MGST1: variants seen among roughly 807,000 people sequenced by gnomAD.
MGST1 encodes the protein glutathione S-transferase 12.
A neutral mutation model predicts 8.9 loss-of-function variants in MGST1; 5 were observed. The ratio of observed to expected loss-of-function variants is 0.56; its 90% CI spans 0.29 to 1.19. The LOEUF (loss-of-function observed/expected upper bound fraction) is 1.19. Among genes scored for constraint, MGST1 ranks in the 50% most tolerant of loss-of-function variants. MGST1 has a pLI of 0.08. For missense variants in MGST1, 182 were observed against 187.4 expected (o/e 0.97, Z 0.17); for synonymous variants, 54 against 67.8 (o/e 0.80, Z 1.00).
At chr12:16,499,911 T>A (rs1941494664) in intron 4 of MGST1, among the ~76,000 whole-genome samples, 1 of 152,126 alleles carries the variant, frequency 6.6e-6, no homozygotes. Context: ...TGCATGTTTT[T>A]AAAACAAATC....
chr12:16,512,854 C>T (rs1941585690), intron 4 of MGST1, among the ~76,000 whole-genome samples: 1 of 152,138 alleles, frequency 6.6e-6, no homozygotes, highest in African/African-American at 2.4e-5. Flanking sequence ...AGTAGAAATT[C>T]ATCTGAGTTA....
At chr12:16,583,569 G>A (rs1268523164) in intron 4 of MGST1, among the ~76,000 whole-genome samples, 1 of 152,124 alleles carries the variant, frequency 6.6e-6, no homozygotes, top group Non-Finnish European at 1.5e-5. Context: ...TCCCATAGAT[G>A]GGATAAAAGA....
chr12:16,383,367 G>C (rs1940474621), exon 1 of MGST1: 1 of 152,182 alleles, frequency 6.6e-6, no homozygotes, highest in African/African-American at 2.4e-5. Flanking sequence ...TTGTTTTTCT[G>C]AGTTGTTTTC....
chr12:16,455,209 A>G (rs755130612), intron 4 of MGST1, among the ~76,000 whole-genome samples: 1 of 151,938 alleles, frequency 6.6e-6, no homozygotes, highest in Non-Finnish European at 1.5e-5. Context: ...AATAGCCAAC[A>G]TTAATTGAGC....
intron 1 of MGST1, among the ~76,000 whole-genome samples, chr12:16,434,690 A>G (rs1940968684): frequency 6.6e-6 from 1 of 151,470 alleles, no homozygotes; most frequent in African/African-American, 2.4e-5. Context: ...ATTTTTCAGC[A>G]GGGAGAAGTG....
intron 1 of MGST1, among the ~76,000 whole-genome samples, chr12:16,406,591 G>A (rs1940699443): frequency 6.6e-6 from 1 of 152,150 alleles, no homozygotes; most frequent in Non-Finnish European, 1.5e-5. Context: ...AACCAAAAAA[G>A]AGCATGAATT....
At chr12:16,406,151 A>G (rs529008790) in intron 1 of MGST1, among the ~76,000 whole-genome samples, 8 of 152,314 alleles carry the variant, frequency 5.3e-5, no homozygotes, top group African/African-American at 7.2e-5. Flanking sequence ...ACGTAATTCT[A>G]TATCTAGAAA....
chr12:16,350,530 A>G (rs1939412834), intron 1 of MGST1, among the ~76,000 whole-genome samples: 1 of 152,174 alleles, frequency 6.6e-6, no homozygotes, highest in South Asian at 2.1e-4. Flanking sequence ...CTCCCTCCTG[A>G]CAACCTTTCC....
At chr12:16,348,801 T>TAAAAA (rs61688908) in intron 1 of MGST1, 2 of 139,290 alleles carry the variant, frequency 1.4e-5, no homozygotes, top group Non-Finnish European at 1.5e-5. Flanking sequence ...CTTTGGTAAT[T>TAAAAA]AAAAAAAAAA....
rs1053593205 is a variant in MGST1 at position 16,560,842 on chromosome 12, T to TTAGAG, written n.483-28683_483-28679dup. The TTAGAG allele has an allele frequency of 1.0e-4, 39 of 387,550 alleles. No individual in the cohort carries two copies. Among genetic ancestry groups the TTAGAG allele is most frequent in the African/African-American group, 7.3e-4 (35 of 47,692 alleles). The allele number at this position is 387,550 out of a possible 1,614,324, so 24.0% of individuals were successfully genotyped here. ...TGAATTCATAGCAAAAATCTCTGGG[T>TTAGAG]TAGAGTATATAGAAAATATAAAAGC... On this transcript the variant is annotated intron_variant and non_coding_transcript_variant, in intron 4 of 4. Coordinates refer to the MGST1 transcript ENST00000538857. The surrounding 1 kb of genome is among the most constrained non-coding windows in gnomAD (Gnocchi z 5.0).
At chr12:16,539,708 G>C (rs1941781619) in intron 4 of MGST1, among the ~76,000 whole-genome samples, 1 of 152,168 alleles carries the variant, frequency 6.6e-6, no homozygotes, top group Admixed American at 6.5e-5. Flanking sequence ...GCCTTCCCCT[G>C]TGTTGTAAGT....
intron 4 of MGST1, among the ~76,000 whole-genome samples, chr12:16,463,597 T>G (rs1156244859): frequency 3.2e-5 from 1 of 30,776 alleles, no homozygotes; most frequent in Non-Finnish European, 6.4e-5. Flanking sequence ...AAATAAAAGT[T>G]GAAGAAAAGG....
At chr12:16,466,491 C>T (rs923825379) in intron 4 of MGST1, among the ~76,000 whole-genome samples, 1 of 152,118 alleles carries the variant, frequency 6.6e-6, no homozygotes, top group East Asian at 1.9e-4. Context: ...TTCCTTTTGT[C>T]ATCTGGTCTT....
At chr12:16,452,080 C>T (rs1941133383) in intron 4 of MGST1, among the ~76,000 whole-genome samples, 1 of 151,674 alleles carries the variant, frequency 6.6e-6, no homozygotes, top group African/African-American at 2.4e-5. Flanking sequence ...AGATTGATAA[C>T]CCTAAGCAGT....
intron 4 of MGST1, among the ~76,000 whole-genome samples, chr12:16,556,937 T>C (rs1942213967): frequency 6.6e-6 from 1 of 152,086 alleles, no homozygotes; most frequent in African/African-American, 2.4e-5. Context: ...CAGAAATATA[T>C]TAGGTACTTT....
rs1488481918 is a variant in MGST1, at chr12:16,482,211, G to T, written n.482+98607G>T. Among the ~76,000 whole-genome samples, 1 of 152,174 alleles carries T rather than the reference G, an allele frequency of 6.6e-6. No homozygotes were observed. The highest frequency in any genetic ancestry group is 2.4e-5 in the African/African-American group (1 of 41,434). On this transcript the variant is annotated intron_variant and non_coding_transcript_variant, in intron 4 of 4. Transcript: ENST00000538857. The surrounding 1 kb of genome is among the most constrained non-coding windows in gnomAD (Gnocchi z 4.2). ...CCTCCAAATTCTGAACTTCTGGCAG[G>T]AGGAAAATTATCTCAGATGGAAGGT...
intron 1 of MGST1, among the ~76,000 whole-genome samples, chr12:16,350,148 T>G (rs1939397511): frequency 6.6e-6 from 1 of 152,210 alleles, no homozygotes; most frequent in South Asian, 2.1e-4. Context: ...CCAGAGAAGT[T>G]AAGTTACACT....
At position 16,434,391 on chromosome 12, in the gene MGST1, CTTA is replaced by C. The variant is rs552224999; in HGVS notation, n.779-2992_779-2990del. Reference sequence around the variant, plus strand: ...CGGAAATTTCTAGTTCTTCCGATCACTTATTATGTCTCATTATAGTTCCAAGTA... The same window carrying C: ...CGGAAATTTCTAGTTCTTCCGATCACTTATGTCTCATTATAGTTCCAAGTA... On this transcript the variant is annotated intron_variant and non_coding_transcript_variant, in intron 1 of 1. Transcript: ENST00000359720. Among the ~76,000 whole-genome samples the C allele has an allele frequency of 1.4e-4, 22 of 152,010 alleles. No individual in the cohort carries two copies. In the East Asian group the frequency reaches 4.1e-3, roughly 28 times the overall value.
rs1406423876 is a variant in MGST1 at position 16,401,063 on chromosome 12, C to T, written n.778+17459C>T. The T allele has an allele frequency of 6.3e-7, 1 of 1,593,882 alleles. No individual in the cohort carries two copies. Among genetic ancestry groups the T allele is most frequent in the East Asian group, 2.2e-5 (1 of 44,716 alleles). On this transcript the variant is annotated intron_variant and non_coding_transcript_variant, in intron 1 of 1. Transcript: ENST00000359720. This position sits in a 1 kb window ranked among gnomAD's most constrained non-coding sequence, Gnocchi z 4.3. The stretch of plus-strand genomic sequence containing the variant: ...TCTGTAAGTAATGCTGCCCGAGAAC[C>T]TCTTCCCAAAAGGTCCTCTGCCTCA...
Sources: allele counts gnomAD v4.1 joint callset (sites outside exome capture counted in the v4.1 genomes callset), GRCh38; gene constraint gnomAD v4.1.1; non-coding constraint Gnocchi (gnomAD v3.1); transcripts MANE v1.5; gene names NCBI Gene and HGNC (gene_info 2026-07-23, HGNC 2026-07-21).